The following UBXN7 variants were observed in gnomAD, a reference collection of about 807,000 sequenced individuals.
The protein encoded by UBXN7 is UBX domain-containing protein 7.
A neutral mutation model predicts 58.0 loss-of-function variants in UBXN7; 9 were observed. The ratio of observed to expected loss-of-function variants is 0.16; its 90% CI spans 0.09 to 0.27. UBXN7 has a LOEUF of 0.27. UBXN7 is among the 10% of genes least tolerant of loss of function. The pLI is 1.00. For missense variants in UBXN7, 328 were observed against 599.6 expected (o/e 0.55, Z 4.73); for synonymous variants, 208 against 205.0 (o/e 1.01, Z -0.12).
At chr3:196,396,865 C>T (rs1729791657) in intron 3 of UBXN7, among the ~76,000 whole-genome samples, 1 of 152,174 alleles carries the variant, frequency 6.6e-6, no homozygotes, top group African/African-American at 2.4e-5. Context: ...TAATTTTCTT[C>T]TACTTTTAAA....
chr3:196,383,198 C>A (rs1437978542), intron 5 of UBXN7, among the ~76,000 whole-genome samples: 1 of 151,528 alleles, frequency 6.6e-6, no homozygotes, highest in African/African-American at 2.4e-5. Context: ...CAACAAAAAT[C>A]AAAAGAGACA....
At chr3:196,412,790 C>T (rs1000169263) in intron 1 of UBXN7, among the ~76,000 whole-genome samples, 6 of 152,052 alleles carry the variant, frequency 3.9e-5, no homozygotes, top group African/African-American at 1.2e-4. Context: ...GGACATTATG[C>T]TAAGTGAAAT....
chr3:196,394,299 A>AAC (rs1333420115), intron 3 of UBXN7, among the ~76,000 whole-genome samples: 10 of 149,934 alleles, frequency 6.7e-5, no homozygotes, highest in African/African-American at 2.5e-4. Context: ...AAAAAAAAAA[A>AAC]AAAAAAGTTT....
intron 1 of UBXN7, among the ~76,000 whole-genome samples, chr3:196,417,094 A>T (rs1730512212): frequency 6.6e-6 from 1 of 152,224 alleles, no homozygotes; most frequent in Middle Eastern, 3.4e-3. Context: ...CGGGCGGATC[A>T]CAAGGTCAGG....
intron 5 of UBXN7, among the ~76,000 whole-genome samples, chr3:196,384,870 ATTCCC>A (rs1577450361): frequency 1.3e-5 from 2 of 152,192 alleles, no homozygotes; most frequent in African/African-American, 4.8e-5. Flanking sequence ...AACTGGAAGC[ATTCCC>A]TTTGAAAACC....
chr3:196,430,928 TAA>T (rs894582052), intron 1 of UBXN7, among the ~76,000 whole-genome samples: 1 of 152,144 alleles, frequency 6.6e-6, no homozygotes, highest in African/African-American at 2.4e-5. Flanking sequence ...TCAAAAATAT[TAA>T]GAGAAGTTAT....
At chr3:196,404,750 T>C (rs1216960223) in intron 2 of UBXN7, among the ~76,000 whole-genome samples, 1 of 152,098 alleles carries the variant, frequency 6.6e-6, no homozygotes, top group East Asian at 1.9e-4. Context: ...AAAGGATAAT[T>C]CAAAATTATG....
chr3:196,386,261 C>A (rs1249516051), intron 5 of UBXN7, among the ~76,000 whole-genome samples: 1 of 151,620 alleles, frequency 6.6e-6, no homozygotes, highest in African/African-American at 2.4e-5. Flanking sequence ...GGGCCCTCTG[C>A]GTAGGAAAAC....
At chr3:196,393,255 A>C (rs1403082539) in intron 4 of UBXN7, among the ~76,000 whole-genome samples, 2 of 152,188 alleles carry the variant, frequency 1.3e-5, no homozygotes, top group Non-Finnish European at 2.9e-5. Flanking sequence ...CAGGATCCTG[A>C]GGGAAATCAG....
At chr3:196,415,391 A>G (rs1730450111) in intron 1 of UBXN7, among the ~76,000 whole-genome samples, 1 of 147,962 alleles carries the variant, frequency 6.8e-6, no homozygotes, top group Non-Finnish European at 1.5e-5. Flanking sequence ...TGACCTTGTG[A>G]TCCGCCTGCC....
At chr3:196,371,557 C>T (rs1475266706) in intron 6 of UBXN7, among the ~76,000 whole-genome samples, 4 of 152,162 alleles carry the variant, frequency 2.6e-5, no homozygotes, top group Non-Finnish European at 5.9e-5. Context: ...TCTTGGCTCA[C>T]TGCAGTCTCC....
At chr3:196,375,524 T>G (rs929525062) in intron 5 of UBXN7, among the ~76,000 whole-genome samples, 3 of 152,024 alleles carry the variant, frequency 2.0e-5, no homozygotes, top group African/African-American at 7.3e-5. Context: ...AGTATACCAA[T>G]TATGTGAATC....
rs536349521 is a variant in UBXN7, at chr3:196,359,499, C to T, written c.1308+2345G>A. ...ATGATGAAGCTTAGTGAGAAAGGCA[C>T]GTGGAAAGCTGAGACAGACACAAAG... On this transcript the variant is annotated intron_variant, in intron 10 of 10. Transcript: ENST00000296328. Among the ~76,000 whole-genome samples, 32 of 152,216 alleles carry T rather than the reference C, an allele frequency of 2.1e-4. 1 individual carries two copies. Among genetic ancestry groups the T allele is most frequent in the African/African-American group, 6.5e-4 (27 of 41,542 alleles).
At chr3:196,427,403 C>T (rs73213970) in intron 1 of UBXN7, among the ~76,000 whole-genome samples, 77,188 of 151,894 alleles carry the variant, frequency 0.51, 20,176 homozygotes, top group East Asian at 0.87. Flanking sequence ...CTGCAACCTC[C>T]GTCTCCTGGG....
intron 1 of UBXN7, among the ~76,000 whole-genome samples, chr3:196,417,179 G>A (rs1052206800): frequency 1.1e-4 from 17 of 152,170 alleles, no homozygotes; most frequent in Non-Finnish European, 2.2e-4. Context: ...CGGGCGTGGT[G>A]GCGGGCGCTT....
intron 3 of UBXN7, 116 bp downstream of exon 3, chr3:196,402,836 A>T: frequency 1.7e-6 from 2 of 1,165,218 alleles, no homozygotes; most frequent in Non-Finnish European, 1.2e-6. Context: ...TAGAAAAAAT[A>T]AGAAATGACA....
At chr3:196,377,093 C>T (rs1729052998) in intron 5 of UBXN7, among the ~76,000 whole-genome samples, 1 of 151,388 alleles carries the variant, frequency 6.6e-6, no homozygotes, top group African/African-American at 2.4e-5. Flanking sequence ...TGTTCTGATT[C>T]TTTCTGTACA....
chr3:196,395,749 T>C lies in UBXN7; in HGVS notation c.290-2130A>G, dbSNP rs117313052. Among the ~76,000 whole-genome samples, 93 of 152,004 alleles carry C rather than the reference T, an allele frequency of 6.1e-4. No homozygotes were observed. The East Asian group carries it at 0.011, about 19-fold the overall frequency. On this transcript the variant is annotated intron_variant, in intron 3 of 10. Coordinates refer to ENST00000296328, the MANE Select transcript of UBXN7 (RefSeq NM_015562.2). ...CTGGGATTACAGGCACCAGCCACCA[T>C]GCCCAGCCTGAATTAATTAATTTAT...
At chr3:196,373,309 C>T (rs972886231) in intron 5 of UBXN7, among the ~76,000 whole-genome samples, 1 of 152,182 alleles carries the variant, frequency 6.6e-6, no homozygotes. Flanking sequence ...AACAACTCTA[C>T]GATTCGTACA....
Sources: gnomAD v4.1 joint callset for allele counts (sites outside exome capture counted in the v4.1 genomes callset) on GRCh38, gnomAD v4.1.1 for gene constraint, MANE v1.5 for transcripts, NCBI Gene and HGNC (gene_info 2026-07-23, HGNC 2026-07-21) for gene names.